Variants in TET1 observed in about 807,000 individuals in gnomAD.
TET1 encodes the protein methylcytosine dioxygenase TET1.
Under a neutral mutation model 148.7 loss-of-function variants are expected in TET1, and 13 were observed. The observed-to-expected ratio is 0.09, with a 90% CI of 0.06 to 0.14. The LOEUF is 0.14. TET1 is among the 10% of genes least tolerant of loss of function. The pLI is 1.00. For missense variants in TET1, 2,182 were observed against 2,553.8 expected (o/e 0.85, Z 3.14); for synonymous variants, 907 against 937.2 (o/e 0.97, Z 0.59).
In TET1 at chr10:68,682,480, C is replaced by G. The variant is rs112854660; in HGVS notation, c.4915-356C>G. ...AATGGTTCATGAAATGTATGTATATCTTCTTTTTACGGATATTGAAAACTC... is the reference window on the plus strand; with the variant it reads ...AATGGTTCATGAAATGTATGTATATGTTCTTTTTACGGATATTGAAAACTC... On this transcript the variant is annotated intron_variant, in intron 9 of 11. Transcript: ENST00000373644. 3.6e-3 allele frequency among the ~76,000 whole-genome samples: 554 copies of G among 152,246 alleles called. 1 individual carries two copies. Among genetic ancestry groups the G allele is most frequent in the Non-Finnish European group, 5.8e-3 (392 of 68,012 alleles).
intron 6 of TET1, among the ~76,000 whole-genome samples, chr10:68,666,012 G>C (rs1275031135): frequency 2.6e-5 from 4 of 152,058 alleles, no homozygotes; most frequent in African/African-American, 9.7e-5. Context: ...ATCATGTCCT[G>C]GTTATGTACT....
intron 7 of TET1, 108 bp from the exon 8 acceptor site, chr10:68,672,787 A>C: frequency 1.8e-4 from 144 of 811,068 alleles, no homozygotes; most frequent in Non-Finnish European, 2.4e-4. Flanking sequence ...AAGTGTTATA[A>C]CCGGTTCTTT....
chr10:68,646,705 A>G lies in TET1; in HGVS notation c.3976A>G (p.Lys1326Glu). ...CCAAATACGGTTTCAGCAGGTTGTT[A>G]AGGAGCAACTCATGCATCAGAGACT... is the stretch of plus-strand genomic sequence containing the variant. ...DDQIRFQQVV[K>E]EQLMHQRLPT... The change falls in exon 4 of 12, where the codon AAG (lysine) becomes GAG (glutamate). Residue 1326 changes from lysine to glutamate, a missense_variant. Physicochemically the swap from Lys to Glu is moderately conservative, Grantham distance 56 (BLOSUM62 1). Around this residue, in one of 11 missense-constraint regions of TET1, gnomAD observed 582 missense variants for 599.5 expected, o/e 0.97. Coordinates refer to ENST00000373644, the MANE Select transcript of TET1 (RefSeq NM_030625.3). 1 of 1,614,166 alleles carries G rather than the reference A, an allele frequency of 6.2e-7. No individual in the cohort carries two copies.
chr10:68,632,528 G>A (rs1248273374), intron 3 of TET1: 5 of 1,612,238 alleles, frequency 3.1e-6, no homozygotes, highest in African/African-American at 2.7e-5. Flanking sequence ...TTGTTCACTA[G>A]TAGAATTAGA....
At position 68,692,870 on chromosome 10, in the gene TET1, TA is replaced by T. The variant is rs1438739727; in HGVS notation, c.*1058del. 11 of 231,828 alleles carry T rather than the reference TA, an allele frequency of 4.7e-5. No homozygotes were observed. The East Asian group carries it at 6.1e-4, about 13-fold the overall frequency. The allele number at this position is 231,828 out of a possible 1,614,324, so 14.4% of individuals were successfully genotyped here. A position where few individuals can be genotyped will look rare whatever the true frequency, so the allele number is the denominator to read the frequency against. On this transcript the variant is annotated 3_prime_UTR_variant, in exon 12 of 12. Transcript: ENST00000373644. ...AGGTTTCAGAAGAGTCAAATGCTTCTAATGTCTCAAGGTGATAAAATACAAA... is the reference window on the plus strand; with the variant it reads ...AGGTTTCAGAAGAGTCAAATGCTTCTATGTCTCAAGGTGATAAAATACAAA...
intron 3 of TET1, among the ~76,000 whole-genome samples, chr10:68,608,203 T>C (rs1298396383): frequency 6.6e-6 from 1 of 151,966 alleles, no homozygotes; most frequent in East Asian, 1.9e-4. Flanking sequence ...GCTGGGATTA[T>C]AGGCATGAGC....
chr10:68,658,197 C>CT (rs2055053710), intron 6 of TET1, among the ~76,000 whole-genome samples: 1 of 151,804 alleles, frequency 6.6e-6, no homozygotes, highest in Non-Finnish European at 1.5e-5. Flanking sequence ...GCCCCCTCAC[C>CT]TTTTTTTTAA....
At chr10:68,572,042 G>A (rs79759578) in intron 1 of TET1, among the ~76,000 whole-genome samples, 175 bp from the exon 2 acceptor site, 1,981 of 152,208 alleles carry the variant, frequency 0.013, 135 homozygotes, top group Admixed American at 0.085. Flanking sequence ...GCTTGAGCCT[G>A]GGTAGGTCCA....
chr10:68,569,101 A>G (rs1313694128), intron 1 of TET1, among the ~76,000 whole-genome samples: 2 of 151,884 alleles, frequency 1.3e-5, no homozygotes, highest in Non-Finnish European at 2.9e-5. Context: ...TGAAAAGCTC[A>G]AAATCTGTGG....
chr10:68,616,132 G>T (rs1374228951), intron 3 of TET1, among the ~76,000 whole-genome samples: 2 of 152,046 alleles, frequency 1.3e-5, no homozygotes, highest in Non-Finnish European at 2.9e-5. Flanking sequence ...CTACTAATAA[G>T]GAAATTAACA....
chr10:68,625,440 A>G (rs1040068937), intron 3 of TET1, among the ~76,000 whole-genome samples: 3 of 152,172 alleles, frequency 2.0e-5, no homozygotes, highest in Non-Finnish European at 4.4e-5. Flanking sequence ...CTGTCATCTC[A>G]TTTGTTAGCA....
chr10:68,634,634 G>T (rs576562160), intron 3 of TET1, among the ~76,000 whole-genome samples: 3 of 152,322 alleles, frequency 2.0e-5, no homozygotes, highest in South Asian at 4.1e-4. Flanking sequence ...AATGTTCAGT[G>T]AGTGGAAATA....
Position 68,686,402 on chromosome 10 carries a change from C to G in TET1, c.5099C>G (p.Pro1700Arg), listed in dbSNP as rs777560877. 9.3e-6 allele frequency: 15 copies of G among 1,613,468 alleles called. No individual in the cohort carries two copies. The highest frequency in any genetic ancestry group is 1.1e-5 in the Non-Finnish European group (13 of 1,179,750). The change falls in exon 11 of 12, where the codon CCT becomes CGT. Residue 1700 changes from proline to arginine, a missense_variant. This residue lies in a region of TET1 where 380 missense variants were observed against 387.9 expected (regional missense o/e 0.98). Transcript: ENST00000373644. Reference protein sequence around the residue: ...REDNRSLGVIPQDEQLHVLPL... With the variant: ...REDNRSLGVIRQDEQLHVLPL... ...GATAACCGCTCTTTGGGTGTTATTC[C>G]TCAAGATGAGCAGCTCCATGTGCTA...
intron 6 of TET1, among the ~76,000 whole-genome samples, chr10:68,663,298 T>G (rs1051035619): frequency 6.6e-6 from 1 of 152,226 alleles, no homozygotes; most frequent in African/African-American, 2.4e-5. Flanking sequence ...TTCTTCCAAC[T>G]GAACTTTCTT....
At chr10:68,641,633 G>T (rs2054756313) in intron 3 of TET1, among the ~76,000 whole-genome samples, 1 of 150,950 alleles carries the variant, frequency 6.6e-6, no homozygotes, top group Non-Finnish European at 1.5e-5. Context: ...CGAGTACCTG[G>T]GACTACAGGC....
chr10:68,574,001 C>A lies in TET1; in HGVS notation c.1663C>A (p.His555Asn), dbSNP rs1056215784. ...CCAGGTCAGTGTAACCAGCACAGTT[C>A]ATGTTGTCAACACCACAGTGGTGAC... Reference protein sequence around the residue: ...SSQVSVTSTVHVVNTTVVTMP... With the variant: ...SSQVSVTSTVNVVNTTVVTMP... Residue 555 changes from histidine to asparagine, a missense_variant, in exon 2 of 12, where the codon CAT becomes AAT. This residue lies in a region of TET1 where 665 missense variants were observed against 672.4 expected (regional missense o/e 0.99). Transcript: ENST00000373644. The A allele has an allele frequency of 6.2e-7, 1 of 1,614,140 alleles. No individual in the cohort carries two copies. The highest frequency in any genetic ancestry group is 1.3e-5 in the African/African-American group (1 of 75,030).
chr10:68,652,400 GT>G, intron 5 of TET1, 100 bp from the exon 6 acceptor site: 1 of 716,394 alleles, frequency 1.4e-6, no homozygotes, highest in Non-Finnish European at 2.2e-6. Context: ...TTGAACTTCT[GT>G]ACATCTATAT....
intron 1 of TET1, among the ~76,000 whole-genome samples, chr10:68,569,927 A>C (rs2133677906): frequency 6.6e-6 from 1 of 152,232 alleles, no homozygotes; most frequent in East Asian, 1.9e-4. Context: ...CTTTATAGTG[A>C]ATCTAAGGTT....
chr10:68,690,978 C>T lies in TET1; in HGVS notation c.5575C>T (p.Pro1859Ser), dbSNP rs774165175. 2.5e-6 allele frequency: 4 copies of T among 1,614,126 alleles called. No homozygotes were observed. In the African/African-American group the frequency reaches 5.3e-5, roughly 22 times the overall value. Residue 1859 changes from proline to serine, a missense_variant, in exon 12 of 12, where the codon CCA (proline) becomes TCA (serine). Pro to Ser is a moderately conservative substitution (Grantham distance 74). Transcript: ENST00000373644. ...GTCCCCGAAGACTGCTTCAGCCACA[C>T]CAGCTCCACTGAAGAATGACGCAAC... ...SWSPKTASAT[P>S]APLKNDATAS...
Sources: allele counts gnomAD v4.1 joint callset (sites outside exome capture counted in the v4.1 genomes callset), GRCh38; gene constraint gnomAD v4.1.1; regional missense constraint gnomAD v4.1.1; transcripts MANE v1.5; gene names NCBI Gene and HGNC (gene_info 2026-07-23, HGNC 2026-07-21).